RPE: variants seen among roughly 807,000 people sequenced by gnomAD.
RPE encodes the protein ribulose-phosphate 3-epimerase.
A neutral mutation model predicts 24.6 loss-of-function variants in RPE; 16 were observed. The ratio of observed to expected loss-of-function variants is 0.65; its 90% CI spans 0.44 to 0.99. The LOEUF is 0.99. Among genes scored for constraint, RPE ranks in the 50% least tolerant of loss-of-function variants. The pLI is 0.00. For missense variants in RPE, 240 were observed against 294.5 expected (o/e 0.81, Z 1.35); for synonymous variants, 93 against 98.4 (o/e 0.94, Z 0.33).
In RPE at chr2:210,021,839, T is replaced by G. The variant is rs1022849584; in HGVS notation, c.*2048T>G. 1 of 151,704 alleles carries G rather than the reference T, an allele frequency of 6.6e-6. No individual in the cohort carries two copies. Among genetic ancestry groups the G allele is most frequent in the Non-Finnish European group, 1.5e-5 (1 of 67,874 alleles). The allele number at this position is 151,704 out of a possible 1,614,324, so 9.4% of individuals were successfully genotyped here. On this transcript the variant is annotated 3_prime_UTR_variant, in exon 6 of 6. Coordinates refer to ENST00000359429, the MANE Select transcript of RPE (RefSeq NM_199229.3). ...CATGTATACTCTTCAGTATCCAATA[T>G]TGAAGCTTTGTTCTTTGAAAAATTT...
intron 2 of RPE, among the ~76,000 whole-genome samples, chr2:210,010,292 T>C (rs1000768950): frequency 2.6e-5 from 4 of 152,206 alleles, no homozygotes; most frequent in African/African-American, 9.7e-5. Flanking sequence ...TCCAATGTCC[T>C]AGTACAATGT....
intron 2 of RPE, among the ~76,000 whole-genome samples, chr2:210,012,657 G>T (rs2093716438): frequency 6.6e-6 from 1 of 152,180 alleles, no homozygotes; most frequent in African/African-American, 2.4e-5. Flanking sequence ...ATCAACTATG[G>T]TTTTTCAGAC....
At chr2:210,012,895 T>A (rs891075916) in intron 2 of RPE, among the ~76,000 whole-genome samples, 1 of 152,240 alleles carries the variant, frequency 6.6e-6, no homozygotes, top group Non-Finnish European at 1.5e-5. Context: ...CTGTCACTAT[T>A]TGTAAGATGT....
At position 210,017,478 on chromosome 2, in the gene RPE, C is replaced by T; in HGVS notation, c.483C>T (p.His161=). 1 of 1,368,502 alleles carries T rather than the reference C, an allele frequency of 7.3e-7. No individual in the cohort carries two copies. Among genetic ancestry groups the T allele is most frequent in the Admixed American group, 2.0e-5 (1 of 50,698 alleles). 84.8% of individuals were successfully genotyped at this position (1,368,502 alleles called of 1,614,324 possible). ...KFMEDMMPKV[H]WLRTQFPSLD... is the part of the protein sequence containing the mutation. ...TTCCTCATGTATATATCTAGGTTCACTGGTTGAGGACCCAGTTCCCATCTT... is the reference window on the plus strand; with the variant it reads ...TTCCTCATGTATATATCTAGGTTCATTGGTTGAGGACCCAGTTCCCATCTT... The change falls in exon 5 of 6, where the codon CAC becomes CAT. Residue 161 remains histidine, a synonymous_variant. Transcript: ENST00000359429.
At position 210,020,987 on chromosome 2, in the gene RPE, G is replaced by A. The variant is rs2125098697; in HGVS notation, c.*1196G>A. The A allele has an allele frequency of 6.6e-6, 1 of 152,196 alleles. No homozygotes were observed. Among genetic ancestry groups the A allele is most frequent in the East Asian group, 1.9e-4 (1 of 5,182 alleles). 9.4% of individuals were successfully genotyped at this position (152,196 alleles called of 1,614,324 possible). ...TCCAGTCTAATTTTACGCTGTAGCA[G>A]AACCAGATGGCTGAGAAAATTCTGG... On this transcript the variant is annotated 3_prime_UTR_variant, in exon 6 of 6. Transcript: ENST00000359429.
At chr2:210,008,668 C>T (rs2093662870) in intron 1 of RPE, among the ~76,000 whole-genome samples, 1 of 151,618 alleles carries the variant, frequency 6.6e-6, no homozygotes, top group African/African-American at 2.4e-5. Flanking sequence ...GGATAAGTAC[C>T]GTGGGTCTGG....
At chr2:210,016,248 C>G in intron 3 of RPE, 136 bp downstream of exon 3, 3 of 1,613,968 alleles carry the variant, frequency 1.9e-6, no homozygotes, top group Non-Finnish European at 2.5e-6. Flanking sequence ...ACAGTCAGGG[C>G]CCATTGCAGG....
Position 210,021,530 on chromosome 2 carries a change from TTTTC to T in RPE, c.*1743_*1746del, listed in dbSNP as rs904366084. 1 of 152,588 alleles carries T rather than the reference TTTTC, an allele frequency of 6.6e-6. No individual in the cohort carries two copies. Among genetic ancestry groups the T allele is most frequent in the African/African-American group, 2.4e-5 (1 of 41,462 alleles). 9.5% of individuals were successfully genotyped at this position (152,588 alleles called of 1,614,324 possible). A position where few individuals can be genotyped will look rare whatever the true frequency, so the allele number is the denominator to read the frequency against. On this transcript the variant is annotated 3_prime_UTR_variant, in exon 6 of 6. Coordinates refer to ENST00000359429, the MANE Select transcript of RPE (RefSeq NM_199229.3). ...ACAACTTGGGTTTGTCTGGCTTTTG[TTTTC>T]TTTTTCTTTAAAAATAAATGTACAG...
chr2:210,007,031 G>T (rs539663398), intron 1 of RPE, among the ~76,000 whole-genome samples: 1 of 152,278 alleles, frequency 6.6e-6, no homozygotes. Flanking sequence ...GAGCATAGTA[G>T]TTAAGAGTCT....
intron 1 of RPE, 75 bp from the exon 2 acceptor site, chr2:210,009,582 G>A (rs2093674511): frequency 1.3e-6 from 2 of 1,564,956 alleles, no homozygotes; most frequent in Admixed American, 3.3e-5. Context: ...CTCAACCTGT[G>A]TCAGAATTCA....
chr2:210,008,942 C>T (rs1480352764), intron 1 of RPE, among the ~76,000 whole-genome samples: 2 of 152,156 alleles, frequency 1.3e-5, no homozygotes, highest in Non-Finnish European at 1.5e-5. Context: ...GTGATCTGCC[C>T]GCCTCAGCCT....
chr2:210,019,990 A>G lies in RPE; in HGVS notation c.*199A>G, dbSNP rs918417744. On this transcript the variant is annotated 3_prime_UTR_variant, in exon 6 of 6. Coordinates refer to ENST00000359429, the MANE Select transcript of RPE (RefSeq NM_199229.3). ...GTATAACTACATTTTTAGTGATGCA[A>G]TTTATTGATTAGTGAGTAAGATACT... The G allele has an allele frequency of 1.9e-6, 1 of 518,740 alleles. No individual in the cohort carries two copies. The highest frequency in any genetic ancestry group is 2.0e-5 in the African/African-American group (1 of 50,890). The allele number at this position is 518,740 out of a possible 1,614,324, so 32.1% of individuals were successfully genotyped here.
At chr2:210,013,424 A>C (rs1575313086) in intron 2 of RPE, among the ~76,000 whole-genome samples, 1 of 146,734 alleles carries the variant, frequency 6.8e-6, no homozygotes, top group Non-Finnish European at 1.5e-5. Context: ...CAGTCCTCCC[A>C]CCTCACCTCT....
chr2:210,011,248 G>C (rs1157905641), intron 2 of RPE, among the ~76,000 whole-genome samples: 3 of 152,130 alleles, frequency 2.0e-5, no homozygotes, highest in Non-Finnish European at 4.4e-5. Context: ...GCCATGATTA[G>C]CTTATATAGC....
chr2:210,002,933 G>T, intron 1 of RPE, 150 bp downstream of exon 1: 1 of 1,480,046 alleles, frequency 6.8e-7, no homozygotes, highest in Non-Finnish European at 9.2e-7. Context: ...TAGGAGCCCT[G>T]GAGGCTCTAG....
intron 1 of RPE, among the ~76,000 whole-genome samples, chr2:210,004,409 C>T (rs988269881): frequency 6.6e-6 from 1 of 152,092 alleles, no homozygotes; most frequent in Non-Finnish European, 1.5e-5. Flanking sequence ...CATTTGACAG[C>T]GAGGAATTGG....
chr2:210,016,132 G>A lies in RPE; in HGVS notation c.342+20G>A, dbSNP rs769582577. The A allele has an allele frequency of 1.9e-6, 3 of 1,614,168 alleles. No individual in the cohort carries two copies. Among genetic ancestry groups the A allele is most frequent in the East Asian group, 2.2e-5 (1 of 44,886 alleles). On this transcript the variant is annotated intron_variant, in intron 3 of 5. Coordinates refer to ENST00000359429, the MANE Select transcript of RPE (RefSeq NM_199229.3). ...ATGAAGGTAAGAAATCGTGATGAGA[G>A]TGTTTTGTAACATTCACTCTCAGTT...
intron 1 of RPE, chr2:210,003,427 TTTCTC>T (rs1297573459): frequency 2.3e-5 from 30 of 1,285,576 alleles, no homozygotes; most frequent in East Asian, 5.6e-5. Flanking sequence ...TCCTGTCTAT[TTTCTC>T]TTCAGGCACC....
intron 1 of RPE, among the ~76,000 whole-genome samples, chr2:210,008,356 C>T (rs1204365582): frequency 2.8e-5 from 4 of 142,834 alleles, no homozygotes; most frequent in Non-Finnish European, 6.0e-5. Context: ...AGTGCAGTGG[C>T]GTGATCTCAG....
Sources: gnomAD v4.1 joint callset for allele counts (sites outside exome capture counted in the v4.1 genomes callset) on GRCh38, gnomAD v4.1.1 for gene constraint, MANE v1.5 for transcripts, NCBI Gene and HGNC (gene_info 2026-07-23, HGNC 2026-07-21) for gene names.